Variants in LRCH1 observed in about 807,000 individuals in gnomAD.
The protein encoded by LRCH1 is leucine rich repeats and calponin homology domain containing 1.
LRCH1 carries 23 observed loss-of-function variants against 94.9 expected under a neutral mutation model. That is an observed-to-expected ratio of 0.24 (90% CI 0.17 to 0.34). The LOEUF (loss-of-function observed/expected upper bound fraction) is 0.34, where lower values mean the gene tolerates loss of function less well. Ranked by LOEUF, LRCH1 falls within the 10% of genes least tolerant of loss-of-function variation. LRCH1 has a pLI of 1.00. For missense variants in LRCH1, 790 were observed against 945.9 expected (o/e 0.84, Z 2.16); for synonymous variants, 364 against 354.9 (o/e 1.03, Z -0.29).
chr13:46,581,682 C>T lies in LRCH1; in HGVS notation c.307+27979C>T, dbSNP rs904658857. Among the ~76,000 whole-genome samples, 5 of 152,178 alleles carry T rather than the reference C, an allele frequency of 3.3e-5. No individual in the cohort carries two copies. In the East Asian group the frequency reaches 7.7e-4, roughly 23 times the overall value. On this transcript the variant is annotated intron_variant, in intron 1 of 19. Coordinates refer to ENST00000389797, the MANE Select transcript of LRCH1 (RefSeq NM_001164211.2). ...CAGGGGTTGAACCCAAGCAGTTTGCCTCCAGTTAATGTCCTTCGCCACTTT... is the reference window on the plus strand; with the variant it reads ...CAGGGGTTGAACCCAAGCAGTTTGCTTCCAGTTAATGTCCTTCGCCACTTT...
At chr13:46,750,002 T>C (rs750001686) in intron 18 of LRCH1, among the ~76,000 whole-genome samples, 2 of 152,188 alleles carry the variant, frequency 1.3e-5, no homozygotes, top group African/African-American at 4.8e-5. Context: ...GCTGTAGTTA[T>C]AATTACCAAT....
chr13:46,572,599 GA>G (rs1036569414), intron 1 of LRCH1, among the ~76,000 whole-genome samples: 1 of 150,026 alleles, frequency 6.7e-6, no homozygotes, highest in Admixed American at 6.6e-5. Context: ...ATTGACTAAA[GA>G]AAAAAAAAGC....
At chr13:46,687,228 G>T (rs573067436) in intron 5 of LRCH1, among the ~76,000 whole-genome samples, 1 of 152,196 alleles carries the variant, frequency 6.6e-6, no homozygotes, top group African/African-American at 2.4e-5. Flanking sequence ...CAAAATACTG[G>T]TATTACAGGC....
chr13:46,650,696 G>A (rs2051282165), intron 2 of LRCH1, among the ~76,000 whole-genome samples: 1 of 132,950 alleles, frequency 7.5e-6, no homozygotes, highest in South Asian at 2.5e-4. Context: ...GTGAAAAAGA[G>A]TTTGGTTGTC....
chr13:46,559,832 G>A (rs910236139), intron 1 of LRCH1, among the ~76,000 whole-genome samples: 14 of 152,034 alleles, frequency 9.2e-5, no homozygotes, highest in African/African-American at 2.4e-4. Flanking sequence ...CCACAAATTA[G>A]CACACCCTGT....
chr13:46,650,123 AAC>A, intron 1 of LRCH1, 76 bp from the exon 2 acceptor site: 1 of 993,594 alleles, frequency 1.0e-6, no homozygotes, highest in Non-Finnish European at 1.5e-6. Flanking sequence ...TGTTAAGAAA[AAC>A]AGTGTTTGTG....
intron 1 of LRCH1, among the ~76,000 whole-genome samples, chr13:46,561,852 A>G (rs2050133189): frequency 6.6e-6 from 1 of 152,110 alleles, no homozygotes; most frequent in Non-Finnish European, 1.5e-5. Flanking sequence ...CAGCCTCCCT[A>G]TCAGCCCTTT....
At chr13:46,642,800 G>T (rs776613572) in intron 1 of LRCH1, among the ~76,000 whole-genome samples, 1 of 152,152 alleles carries the variant, frequency 6.6e-6, no homozygotes, top group Admixed American at 6.5e-5. Context: ...AGGTTGTGTC[G>T]TCTGCTCACC....
chr13:46,677,245 A>G (rs2051687306), intron 3 of LRCH1, among the ~76,000 whole-genome samples: 1 of 127,080 alleles, frequency 7.9e-6, no homozygotes, highest in South Asian at 2.7e-4. Flanking sequence ...CCTCGTCTCT[A>G]CTAAAAATAC....
At chr13:46,729,035 G>A (rs750284286) in intron 18 of LRCH1, 51 bp downstream of exon 18, 1 of 1,549,512 alleles carries the variant, frequency 6.5e-7, no homozygotes, top group Non-Finnish European at 8.8e-7. Flanking sequence ...CCTTTAGGGG[G>A]CACTGTTGTT....
intron 9 of LRCH1, among the ~76,000 whole-genome samples, chr13:46,698,640 C>T (rs1226785405): frequency 1.3e-5 from 2 of 152,194 alleles, no homozygotes; most frequent in African/African-American, 4.8e-5. Flanking sequence ...CACTAGGATG[C>T]ATCTTCACAG....
At chr13:46,581,360 T>C (rs2050362877) in intron 1 of LRCH1, among the ~76,000 whole-genome samples, 2 of 152,080 alleles carry the variant, frequency 1.3e-5, no homozygotes, top group African/African-American at 2.4e-5. Context: ...TGGGAAGGCC[T>C]GGGACAGAAA....
intron 1 of LRCH1, among the ~76,000 whole-genome samples, chr13:46,610,382 G>T (rs1485847434): frequency 9.2e-5 from 14 of 151,628 alleles, no homozygotes; most frequent in Non-Finnish European, 2.9e-5. Context: ...TCTAATTTGG[G>T]GAAAATTGTG....
chr13:46,651,240 T>C (rs1442041251), intron 2 of LRCH1, among the ~76,000 whole-genome samples: 1 of 152,262 alleles, frequency 6.6e-6, no homozygotes, highest in African/African-American at 2.4e-5. Context: ...ATAACAGATA[T>C]ACCCAACATC....
intron 16 of LRCH1, among the ~76,000 whole-genome samples, chr13:46,721,392 T>G (rs1872577818): frequency 6.6e-6 from 1 of 152,244 alleles, no homozygotes; most frequent in African/African-American, 2.4e-5. Context: ...TGACCTTTTT[T>G]TGGTAAATTT....
At chr13:46,603,716 G>A (rs2050656543) in intron 1 of LRCH1, among the ~76,000 whole-genome samples, 1 of 152,312 alleles carries the variant, frequency 6.6e-6, no homozygotes, top group African/African-American at 2.4e-5. Context: ...GAGTGCAGGG[G>A]ACTGATCTTG....
chr13:46,661,146 C>A (rs1284026080), intron 2 of LRCH1, among the ~76,000 whole-genome samples: 1 of 152,016 alleles, frequency 6.6e-6, no homozygotes, highest in African/African-American at 2.4e-5. Context: ...CGTTTTATTC[C>A]AGAGGAAATG....
At chr13:46,633,224 G>A (rs1348355166) in intron 1 of LRCH1, among the ~76,000 whole-genome samples, 2 of 152,198 alleles carry the variant, frequency 1.3e-5, no homozygotes, top group Admixed American at 1.3e-4. Context: ...GCCCAAGGAA[G>A]TATTTCTGGA....
chr13:46,621,210 CAG>C (rs2050876462), intron 1 of LRCH1, among the ~76,000 whole-genome samples: 1 of 152,184 alleles, frequency 6.6e-6, no homozygotes, highest in Admixed American at 6.5e-5. Context: ...TGCCTTTTGC[CAG>C]TATGTGGGAG....
Sources: allele counts gnomAD v4.1 joint callset (sites outside exome capture counted in the v4.1 genomes callset), GRCh38; gene constraint gnomAD v4.1.1; transcripts MANE v1.5; gene names NCBI Gene and HGNC (gene_info 2026-07-23, HGNC 2026-07-21).